PTPRG: variants seen among roughly 807,000 people sequenced by gnomAD.
PTPRG encodes receptor-type tyrosine-protein phosphatase gamma.
A neutral mutation model predicts 165.3 loss-of-function variants in PTPRG; 102 were observed. The observed-to-expected ratio is 0.62, with a 90% CI of 0.53 to 0.73. The LOEUF (loss-of-function observed/expected upper bound fraction) is 0.73, where lower values mean the gene tolerates loss of function less well. Ranked by LOEUF, PTPRG falls within the 30% of genes least tolerant of loss-of-function variation. The pLI is 0.00. For synonymous variants in PTPRG, 675 were observed against 669.5 expected (o/e 1.01, Z -0.13); for missense variants, 1,866 against 1,861.4 (o/e 1.00, Z -0.05).
chr3:62,092,008 A>C (rs1464377707), intron 5 of PTPRG, among the ~76,000 whole-genome samples: 12 of 150,652 alleles, frequency 8.0e-5, no homozygotes, highest in African/African-American at 2.9e-4. Context: ...GCTGCTGTTC[A>C]CAGAACTGAA....
At chr3:61,892,626 G>A in intron 2 of PTPRG, among the ~76,000 whole-genome samples, 1 of 152,086 alleles carries the variant, frequency 6.6e-6, no homozygotes, top group East Asian at 1.9e-4. Flanking sequence ...AGACCAGCCT[G>A]ACCAACATGG....
intron 2 of PTPRG, among the ~76,000 whole-genome samples, chr3:61,877,642 A>T (rs147805448): frequency 6.6e-6 from 1 of 152,268 alleles, no homozygotes; most frequent in Non-Finnish European, 1.5e-5. Context: ...CATCGGAAAC[A>T]TGCTCATGGG....
At chr3:61,928,638 AC>A (rs1481787802) in intron 2 of PTPRG, among the ~76,000 whole-genome samples, 3 of 152,186 alleles carry the variant, frequency 2.0e-5, no homozygotes, top group Non-Finnish European at 2.9e-5. Flanking sequence ...ATAGTGTGAT[AC>A]TATGCTTTTA....
chr3:62,151,482 A>T (rs748983259), intron 6 of PTPRG, among the ~76,000 whole-genome samples: 111 of 152,114 alleles, frequency 7.3e-4, no homozygotes, highest in Non-Finnish European at 1.3e-3. Flanking sequence ...AATTTGAATA[A>T]CTTTGAATTT....
chr3:62,036,153 T>C lies in PTPRG; in HGVS notation c.519+32656T>C, dbSNP rs1699930031. 2.6e-5 allele frequency among the ~76,000 whole-genome samples: 4 copies of C among 152,090 alleles called. No individual in the cohort carries two copies. The South Asian group carries it at 8.3e-4, about 32-fold the overall frequency. The stretch of plus-strand genomic sequence containing the variant: ...CATATGTTAGAAGGTGAGAAGTACT[T>C]TGGAAAAATACAGCATAGGTTAAGG... On this transcript the variant is annotated intron_variant, in intron 4 of 29. Coordinates refer to ENST00000474889, the MANE Select transcript of PTPRG (RefSeq NM_002841.4).
At chr3:62,109,432 G>A (rs569714472) in intron 5 of PTPRG, among the ~76,000 whole-genome samples, 1 of 152,292 alleles carries the variant, frequency 6.6e-6, no homozygotes, top group Non-Finnish European at 1.5e-5. Flanking sequence ...GTACCGTGCT[G>A]TTTTGGTTAC....
chr3:62,123,672 G>A (rs931853774), intron 5 of PTPRG, among the ~76,000 whole-genome samples: 41 of 152,164 alleles, frequency 2.7e-4, no homozygotes, highest in African/African-American at 9.6e-4. Context: ...ACTTTTTAAT[G>A]CAGAAATAGA....
chr3:61,612,372 A>T (rs887857558), intron 1 of PTPRG, among the ~76,000 whole-genome samples: 1 of 152,214 alleles, frequency 6.6e-6, no homozygotes, highest in African/African-American at 2.4e-5. Flanking sequence ...TGACTCTACA[A>T]TTCCATCCAG....
chr3:62,229,470 C>T lies in PTPRG; in HGVS notation c.2289-1755C>T, dbSNP rs572708143. On this transcript the variant is annotated intron_variant, in intron 13 of 29. Transcript: ENST00000474889. This position sits in a 1 kb window ranked among gnomAD's most constrained non-coding sequence, Gnocchi z 4.6. ...AACAAGCTAACACATAGTCATTAGA[C>T]AAAAGCGGAAAGAGATTCACTGCTA... 6.6e-6 allele frequency among the ~76,000 whole-genome samples: 1 copy of T among 152,312 alleles called. No homozygotes were observed. The highest frequency in any genetic ancestry group is 2.1e-4 in the South Asian group (1 of 4,826).
At position 61,567,665 on chromosome 3, in the gene PTPRG, CAAA is replaced by C. The variant is rs35299199; in HGVS notation, c.85+5309_85+5311del. 2.8e-3 allele frequency among the ~76,000 whole-genome samples: 317 copies of C among 111,464 alleles called. 1 individual carries two copies. The highest frequency in any genetic ancestry group is 4.3e-3 in the Non-Finnish European group (246 of 57,690). The allele number at this position is 111,464 out of a possible 152,430, so 73.1% of individuals were successfully genotyped here. A position where few individuals can be genotyped will look rare whatever the true frequency, so the allele number is the denominator to read the frequency against. ...TGAGTGACACAGTGAGACCCTGTCT[CAAA>C]AAAAAAAAAAAAAAATTAAAAGATC... On this transcript the variant is annotated intron_variant, in intron 1 of 29. Coordinates refer to ENST00000474889, the MANE Select transcript of PTPRG (RefSeq NM_002841.4).
chr3:61,846,931 G>A (rs11713168), intron 2 of PTPRG, among the ~76,000 whole-genome samples: 6,138 of 150,670 alleles, frequency 0.041, 158 homozygotes, highest in Non-Finnish European at 0.056. Flanking sequence ...TAGAGAGAGA[G>A]GGACAATATT....
In PTPRG at chr3:61,595,095, G is replaced by A. The variant is rs532208885; in HGVS notation, c.85+32723G>A. Among the ~76,000 whole-genome samples, 3 of 144,422 alleles carry A rather than the reference G, an allele frequency of 2.1e-5. No individual in the cohort carries two copies. The East Asian group carries it at 5.8e-4, about 28-fold the overall frequency. The allele number at this position is 144,422 out of a possible 152,430, so 94.7% of individuals were successfully genotyped here. ...CACAGATGACGGTCTACGTTCTTTGGTTTCTGTCTGGACATGCTGCATGTG... is the reference window on the plus strand; with the variant it reads ...CACAGATGACGGTCTACGTTCTTTGATTTCTGTCTGGACATGCTGCATGTG... On this transcript the variant is annotated intron_variant, in intron 1 of 29. Coordinates refer to ENST00000474889, the MANE Select transcript of PTPRG (RefSeq NM_002841.4).
intron 13 of PTPRG, among the ~76,000 whole-genome samples, chr3:62,230,264 C>G (rs1242598855): frequency 6.6e-6 from 1 of 152,124 alleles, no homozygotes; most frequent in African/African-American, 2.4e-5. Context: ...CCTAACACTC[C>G]AGAATTAGAG....
chr3:62,019,790 T>C (rs77108455), intron 4 of PTPRG, among the ~76,000 whole-genome samples: 1,917 of 152,240 alleles, frequency 0.013, 47 homozygotes, highest in East Asian at 0.09. Flanking sequence ...CTTAAAAAAA[T>C]TAAAAACAAA....
At chr3:61,944,430 C>T (rs2039706776) in intron 2 of PTPRG, among the ~76,000 whole-genome samples, 1 of 152,176 alleles carries the variant, frequency 6.6e-6, no homozygotes, top group African/African-American at 2.4e-5. Context: ...CATCGTCTTC[C>T]TCATTTCCCC....
At chr3:62,120,815 G>A (rs1236087740) in intron 5 of PTPRG, among the ~76,000 whole-genome samples, 1 of 151,966 alleles carries the variant, frequency 6.6e-6, no homozygotes, top group African/African-American at 2.4e-5. Flanking sequence ...GTGATTGACT[G>A]AATTTAGTTC....
chr3:61,801,300 G>A (rs901038282), intron 2 of PTPRG, among the ~76,000 whole-genome samples: 2 of 151,466 alleles, frequency 1.3e-5, no homozygotes, highest in Admixed American at 6.6e-5. Flanking sequence ...ACACGCATAT[G>A]TGTGTGTGTA....
Position 62,133,709 on chromosome 3 carries a change from G to T in PTPRG, c.682+1041G>T, listed in dbSNP as rs1002671975. Among the ~76,000 whole-genome samples the T allele has an allele frequency of 2.6e-5, 4 of 152,264 alleles. No homozygotes were observed. In the East Asian group the frequency reaches 7.7e-4, roughly 29 times the overall value. On this transcript the variant is annotated intron_variant, in intron 6 of 29. Coordinates refer to ENST00000474889, the MANE Select transcript of PTPRG (RefSeq NM_002841.4). ...TCATTTTAAGATATTTCTGGGCCAG[G>T]CATGGTGGCTTATGCCTGTAATCCC...
intron 2 of PTPRG, among the ~76,000 whole-genome samples, chr3:61,959,649 C>A (rs571537897): frequency 7.9e-5 from 12 of 152,230 alleles, no homozygotes; most frequent in Admixed American, 7.2e-4. Context: ...GCAACTGTGC[C>A]GCTCAAAGGT....
Sources: allele counts gnomAD v4.1 joint callset (sites outside exome capture counted in the v4.1 genomes callset), GRCh38; gene constraint gnomAD v4.1.1; non-coding constraint Gnocchi (gnomAD v3.1); transcripts MANE v1.5; gene names NCBI Gene and HGNC (gene_info 2026-07-23, HGNC 2026-07-21).